Variants in TSHZ2 observed in about 807,000 individuals in gnomAD.
TSHZ2 encodes the protein teashirt homolog 2.
Under a neutral mutation model 74.4 loss-of-function variants are expected in TSHZ2, and 21 were observed. That is an observed-to-expected ratio of 0.28 (90% CI 0.20 to 0.41). The LOEUF is 0.41. Among genes scored for constraint, TSHZ2 ranks in the 10% least tolerant of loss-of-function variants. TSHZ2 has a pLI of 1.00. For missense variants in TSHZ2, 1,244 were observed against 1,293.5 expected (o/e 0.96, Z 0.59); for synonymous variants, 540 against 515.3 (o/e 1.05, Z -0.65).
intron 1 of TSHZ2, among the ~76,000 whole-genome samples, chr20:53,006,805 T>G (rs919934502): frequency 6.6e-6 from 1 of 152,180 alleles, no homozygotes; most frequent in African/African-American, 2.4e-5. Flanking sequence ...CTAATATTAA[T>G]CTGTCATGTT....
At chr20:53,056,292 G>A (rs1254527538) in intron 1 of TSHZ2, among the ~76,000 whole-genome samples, 1 of 152,112 alleles carries the variant, frequency 6.6e-6, no homozygotes, top group East Asian at 1.9e-4. Context: ...GTTTTTTATT[G>A]TTTCTGGTTG....
intron 1 of TSHZ2, among the ~76,000 whole-genome samples, chr20:53,048,793 G>C (rs1284205834): frequency 6.6e-6 from 1 of 152,156 alleles, no homozygotes; most frequent in Admixed American, 6.5e-5. Flanking sequence ...TGAGTGGGGG[G>C]TTCTAATAGC....
At chr20:53,172,968 T>C in intron 1 of TSHZ2, among the ~76,000 whole-genome samples, 1 of 152,130 alleles carries the variant, frequency 6.6e-6, no homozygotes, top group Non-Finnish European at 1.5e-5. Flanking sequence ...CTTGGACAAA[T>C]TACCCTCCCT....
chr20:53,420,770 A>G (rs2037864341), intron 2 of TSHZ2, among the ~76,000 whole-genome samples: 2 of 152,166 alleles, frequency 1.3e-5, no homozygotes, highest in African/African-American at 2.4e-5. Context: ...CTCAAAAACA[A>G]AAAAGAAAAA....
At chr20:53,230,087 T>C (rs1252784109) in intron 1 of TSHZ2, among the ~76,000 whole-genome samples, 1 of 151,820 alleles carries the variant, frequency 6.6e-6, no homozygotes, top group Non-Finnish European at 1.5e-5. Flanking sequence ...AGATAGACTG[T>C]AGTCTTTCCT....
At chr20:53,481,825 C>T (rs971908920) in intron 2 of TSHZ2, among the ~76,000 whole-genome samples, 4 of 151,936 alleles carry the variant, frequency 2.6e-5, no homozygotes, top group Admixed American at 2.0e-4. Context: ...AGATAATGGC[C>T]GGGTGCAGTG....
intron 2 of TSHZ2, among the ~76,000 whole-genome samples, chr20:53,486,311 G>A (rs1317740304): frequency 2.6e-5 from 4 of 152,138 alleles, no homozygotes; most frequent in Admixed American, 2.6e-4. Flanking sequence ...CACTTGGGTT[G>A]CTTCTGAGTT....
At chr20:53,450,030 C>T (rs1275628517) in intron 2 of TSHZ2, among the ~76,000 whole-genome samples, 1 of 152,204 alleles carries the variant, frequency 6.6e-6, no homozygotes, top group Non-Finnish European at 1.5e-5. Context: ...TGTATAGGTG[C>T]TCAAATGTTT....
intron 2 of TSHZ2, among the ~76,000 whole-genome samples, chr20:53,402,775 G>A (rs996819919): frequency 4.6e-5 from 7 of 152,080 alleles, no homozygotes. Flanking sequence ...AACAAGTTGG[G>A]GAAACATCAG....
intron 1 of TSHZ2, among the ~76,000 whole-genome samples, chr20:53,088,697 A>G (rs1221746340): frequency 6.6e-6 from 1 of 152,164 alleles, no homozygotes; most frequent in African/African-American, 2.4e-5. Context: ...GAATTCCACT[A>G]TGGATTGACA....
At chr20:53,384,552 C>T (rs913310079) in intron 2 of TSHZ2, among the ~76,000 whole-genome samples, 3 of 152,148 alleles carry the variant, frequency 2.0e-5, no homozygotes, top group African/African-American at 7.2e-5. Flanking sequence ...GACGTCTAGT[C>T]CCTGCCTGAC....
intron 2 of TSHZ2, among the ~76,000 whole-genome samples, chr20:53,379,232 A>G (rs1981772277): frequency 6.6e-6 from 1 of 152,154 alleles, no homozygotes; most frequent in Non-Finnish European, 1.5e-5. Flanking sequence ...AAATACAAAA[A>G]TTAGCCAGCC....
intron 1 of TSHZ2, among the ~76,000 whole-genome samples, chr20:53,250,956 C>T (rs1284831847): frequency 6.6e-6 from 1 of 150,514 alleles, no homozygotes; most frequent in Non-Finnish European, 1.5e-5. Context: ...CATTAGAGTG[C>T]ATGTATGTAT....
chr20:52,994,162 G>A (rs765953390), intron 1 of TSHZ2, among the ~76,000 whole-genome samples: 5 of 152,204 alleles, frequency 3.3e-5, no homozygotes, highest in Non-Finnish European at 5.9e-5. Flanking sequence ...CGGCCCCTGT[G>A]CTGTGTATCA....
At chr20:53,120,122 C>T (rs780909342) in intron 1 of TSHZ2, among the ~76,000 whole-genome samples, 20 of 152,230 alleles carry the variant, frequency 1.3e-4, no homozygotes, top group Non-Finnish European at 1.8e-4. Flanking sequence ...CCATCCACCA[C>T]GGATACAATT....
intron 2 of TSHZ2, among the ~76,000 whole-genome samples, chr20:53,327,614 C>A (rs1568869816): frequency 1.3e-5 from 2 of 152,252 alleles, no homozygotes; most frequent in Non-Finnish European, 2.9e-5. Context: ...TGCCTGTTTA[C>A]TCATTCATTG....
intron 1 of TSHZ2, among the ~76,000 whole-genome samples, chr20:53,229,751 G>A (rs536705408): frequency 2.7e-5 from 4 of 150,530 alleles, no homozygotes; most frequent in South Asian, 2.1e-4. Flanking sequence ...TGACAGAATC[G>A]AAAGAAAGGA....
chr20:53,219,972 C>T (rs1389471811), intron 1 of TSHZ2, among the ~76,000 whole-genome samples: 8 of 152,116 alleles, frequency 5.3e-5, no homozygotes, highest in East Asian at 3.9e-4. Context: ...AAGGGATACT[C>T]GAAAAACAGA....
Position 53,163,982 on chromosome 20 carries a change from G to T in TSHZ2, c.41-89517G>T, listed in dbSNP as rs1988008060. Among the ~76,000 whole-genome samples the T allele has an allele frequency of 2.0e-5, 3 of 152,058 alleles. No homozygotes were observed. The South Asian group carries it at 6.2e-4, about 32-fold the overall frequency. ...TCTTATCAAGTGGTTATATTATATT[G>T]TAATAACCATGTTTATGTAACATCA... On this transcript the variant is annotated intron_variant, in intron 1 of 2. Coordinates refer to ENST00000371497, the MANE Select transcript of TSHZ2 (RefSeq NM_173485.6).
Sources: gnomAD v4.1 joint callset for allele counts (sites outside exome capture counted in the v4.1 genomes callset) on GRCh38, gnomAD v4.1.1 for gene constraint, MANE v1.5 for transcripts, NCBI Gene and HGNC (gene_info 2026-07-23, HGNC 2026-07-21) for gene names.